ROBO1: variants seen among roughly 807,000 people sequenced by gnomAD.
The protein encoded by ROBO1 is roundabout guidance receptor 1.
In ROBO1, 149 loss-of-function variants were observed where a neutral mutation model predicts 195.9. That is an observed-to-expected ratio of 0.76 (90% CI 0.67 to 0.87). The LOEUF (loss-of-function observed/expected upper bound fraction) is 0.87. Ranked by LOEUF, ROBO1 falls within the 40% of genes least tolerant of loss-of-function variation. The pLI, the probability that ROBO1 is intolerant of heterozygous loss-of-function variation, is 0.00. For missense variants in ROBO1, 1,933 were observed against 2,068.3 expected, an observed-to-expected ratio of 0.93 and a Z score of 1.27; for synonymous variants, 816 against 733.2, an observed-to-expected ratio of 1.11 and a Z score of -1.82.
intron 2 of ROBO1, among the ~76,000 whole-genome samples, chr3:79,162,917 A>T (rs1339051635): frequency 1.3e-5 from 2 of 152,120 alleles, no homozygotes; most frequent in Non-Finnish European, 2.9e-5. Context: ...CTAAAAAATC[A>T]TATGTTTAAA....
chr3:79,156,648 T>C (rs1262097670), intron 2 of ROBO1, among the ~76,000 whole-genome samples: 1 of 151,818 alleles, frequency 6.6e-6, no homozygotes, highest in Admixed American at 6.6e-5. Flanking sequence ...TTAAGGGGGA[T>C]GATCTGGACA....
intron 2 of ROBO1, among the ~76,000 whole-genome samples, chr3:79,214,045 C>G (rs1470953465): frequency 6.6e-6 from 1 of 151,724 alleles, no homozygotes; most frequent in African/African-American, 2.4e-5. Flanking sequence ...TGGCTGGTCT[C>G]GAATTCCTGA....
intron 2 of ROBO1, among the ~76,000 whole-genome samples, chr3:79,185,021 T>C (rs527753788): frequency 2.0e-4 from 31 of 152,238 alleles, no homozygotes; most frequent in Non-Finnish European, 3.7e-4. Flanking sequence ...GCTACACAAC[T>C]TCAAAAAGCT....
At chr3:79,154,119 G>A (rs1311464037) in intron 2 of ROBO1, among the ~76,000 whole-genome samples, 1 of 151,738 alleles carries the variant, frequency 6.6e-6, no homozygotes, top group Non-Finnish European at 1.5e-5. Flanking sequence ...CACTGTAATT[G>A]TCTTGTAATC....
chr3:79,106,514 T>C (rs1385843128), intron 3 of ROBO1, among the ~76,000 whole-genome samples: 1 of 151,614 alleles, frequency 6.6e-6, no homozygotes, highest in Non-Finnish European at 1.5e-5. Context: ...CTATTAGCAC[T>C]TTCCTCATGT....
intron 2 of ROBO1, among the ~76,000 whole-genome samples, chr3:79,536,377 C>A (rs760330840): frequency 3.2e-4 from 48 of 152,190 alleles, no homozygotes; most frequent in Non-Finnish European, 6.0e-4. Context: ...TGCACTGTCG[C>A]CTTATGAAAT....
intron 10 of ROBO1, among the ~76,000 whole-genome samples, chr3:78,681,533 C>T (rs986897422): frequency 6.6e-6 from 1 of 152,060 alleles, no homozygotes; most frequent in African/African-American, 2.4e-5. Context: ...AGTATAGAAC[C>T]TATATTTGAA....
At chr3:78,783,551 A>G (rs772067540) in intron 4 of ROBO1, among the ~76,000 whole-genome samples, 1 of 152,200 alleles carries the variant, frequency 6.6e-6, no homozygotes, top group Non-Finnish European at 1.5e-5. Flanking sequence ...ACGCTATTTT[A>G]ATCAAAGATT....
rs1383299148 is a variant in ROBO1 at position 78,685,886 on chromosome 3, G to A, written c.1202C>T (p.Ser401Leu). Reference protein sequence around the residue: ...NLLFSYQPPQSSSRFSVSQTG... With the variant: ...NLLFSYQPPQLSSRFSVSQTG... Reference sequence around the variant, plus strand: ...CTGGGAGACTGAAAATCGGCTGGATGACTGTGGTGGTTGATATGAGAAAAG... The same window carrying A: ...CTGGGAGACTGAAAATCGGCTGGATAACTGTGGTGGTTGATATGAGAAAAG... The change falls in exon 10 of 31, where the codon TCA becomes TTA. Residue 401 changes from serine to leucine, a missense_variant. Ser to Leu is a moderately radical substitution (Grantham distance 145). Transcript: ENST00000464233. 6.2e-7 allele frequency: 1 copy of A among 1,603,448 alleles called. No individual in the cohort carries two copies. Among genetic ancestry groups the A allele is most frequent in the Non-Finnish European group, 8.5e-7 (1 of 1,173,732 alleles).
At chr3:79,504,646 A>G (rs995821288) in intron 2 of ROBO1, among the ~76,000 whole-genome samples, 4 of 152,168 alleles carry the variant, frequency 2.6e-5, no homozygotes, top group African/African-American at 4.8e-5. Flanking sequence ...GCAGACTCAT[A>G]ATTTGAACTA....
intron 3 of ROBO1, among the ~76,000 whole-genome samples, chr3:79,046,908 GC>G (rs1410804929): frequency 6.6e-6 from 1 of 152,092 alleles, no homozygotes; most frequent in African/African-American, 2.4e-5. Flanking sequence ...TTTGTTATAA[GC>G]TTTTAATTAT....
At chr3:79,148,170 T>C (rs2080693126) in intron 2 of ROBO1, among the ~76,000 whole-genome samples, 1 of 151,888 alleles carries the variant, frequency 6.6e-6, no homozygotes, top group South Asian at 2.1e-4. Flanking sequence ...CCTAGAAGGC[T>C]ATCTGTCTTT....
chr3:78,783,808 C>G (rs1222748477), intron 4 of ROBO1, among the ~76,000 whole-genome samples: 1 of 152,148 alleles, frequency 6.6e-6, no homozygotes, highest in Non-Finnish European at 1.5e-5. Context: ...AAAGTGGCTT[C>G]TCTTGGTGAA....
At chr3:78,784,880 T>A (rs1447989964) in intron 4 of ROBO1, among the ~76,000 whole-genome samples, 1 of 152,208 alleles carries the variant, frequency 6.6e-6, no homozygotes, top group Non-Finnish European at 1.5e-5. Flanking sequence ...TTCTCACCTT[T>A]AATGTGAACA....
intron 1 of ROBO1, among the ~76,000 whole-genome samples, chr3:79,672,429 A>C (rs754901918): frequency 6.6e-6 from 1 of 151,914 alleles, no homozygotes; most frequent in Non-Finnish European, 1.5e-5. Context: ...GAATTCTAAC[A>C]TTGATTTATT....
intron 2 of ROBO1, among the ~76,000 whole-genome samples, chr3:79,425,773 G>A (rs1348640956): frequency 1.3e-5 from 2 of 151,790 alleles, no homozygotes; most frequent in Non-Finnish European, 2.9e-5. Context: ...TTCAGGTGAT[G>A]CAGACCAGAC....
chr3:79,311,347 G>A (rs144815419), intron 2 of ROBO1, among the ~76,000 whole-genome samples: 22 of 152,138 alleles, frequency 1.4e-4, no homozygotes, highest in South Asian at 8.3e-4. Context: ...TAAAAAGTAC[G>A]CGATACTTTG....
intron 10 of ROBO1, among the ~76,000 whole-genome samples, chr3:78,684,463 C>G (rs2081005568): frequency 6.6e-6 from 1 of 152,080 alleles, no homozygotes; most frequent in Non-Finnish European, 1.5e-5. Flanking sequence ...GTGGTCACGA[C>G]ATGAATAAAT....
chr3:79,734,868 C>A (rs539798292), intron 1 of ROBO1, among the ~76,000 whole-genome samples: 1 of 152,294 alleles, frequency 6.6e-6, no homozygotes, highest in Non-Finnish European at 1.5e-5. Flanking sequence ...TTAAAAATAG[C>A]TAACCCTGGG....
Sources: gnomAD v4.1 joint callset for allele counts (sites outside exome capture counted in the v4.1 genomes callset) on GRCh38, gnomAD v4.1.1 for gene constraint, MANE v1.5 for transcripts, NCBI Gene and HGNC (gene_info 2026-07-23, HGNC 2026-07-21) for gene names.